The following EYS variants were observed in gnomAD, a reference collection of about 807,000 sequenced individuals.
EYS encodes EGF-like photoreceptor maintenance factor, also known as protein eyes shut homolog.
In EYS, 250 loss-of-function variants were observed where a neutral mutation model predicts 282.1. That is an observed-to-expected ratio of 0.89 (90% CI 0.80 to 0.98). The LOEUF (loss-of-function observed/expected upper bound fraction) is 0.98, where lower values mean the gene tolerates loss of function less well. Among genes scored for constraint, EYS ranks in the 50% least tolerant of loss-of-function variants. The pLI is 0.00. For missense variants in EYS, 4,016 were observed against 3,709.0 expected, an observed-to-expected ratio of 1.08 and a Z score of -2.15; for synonymous variants, 1,355 against 1,282.9, an observed-to-expected ratio of 1.06 and a Z score of -1.20.
At chr6:65,685,033 G>A (rs1413835805) in intron 1 of EYS, among the ~76,000 whole-genome samples, 1 of 151,880 alleles carries the variant, frequency 6.6e-6, no homozygotes, top group Non-Finnish European at 1.5e-5. Context: ...GAGATGATGC[G>A]GATAATGGGC....
intron 12 of EYS, among the ~76,000 whole-genome samples, chr6:65,207,356 C>G (rs561843251): frequency 1.5e-5 from 2 of 136,964 alleles, no homozygotes; most frequent in African/African-American, 5.6e-5. Flanking sequence ...CTAAAAGACA[C>G]TGATGAAAAA....
rs376533704 is a variant in EYS, at chr6:65,370,547, C to T, written c.1299+13839G>A. Reference sequence around the variant, plus strand: ...TTGGATTACAGGCCTGGCTGTAACGCTTCTTTCTTTGACCGACTTTTATAT... The same window carrying T: ...TTGGATTACAGGCCTGGCTGTAACGTTTCTTTCTTTGACCGACTTTTATAT... On this transcript the variant is annotated intron_variant, in intron 8 of 42. Coordinates refer to ENST00000503581, the MANE Select transcript of EYS (RefSeq NM_001142800.2). 3.3e-5 allele frequency among the ~76,000 whole-genome samples: 5 copies of T among 151,840 alleles called. No individual in the cohort carries two copies. The East Asian group carries it at 5.8e-4, about 18-fold the overall frequency.
At chr6:64,885,255 G>A (rs989921476) in intron 19 of EYS, among the ~76,000 whole-genome samples, 1 of 151,536 alleles carries the variant, frequency 6.6e-6, no homozygotes, top group Non-Finnish European at 1.5e-5. Flanking sequence ...CTTAAATCAT[G>A]TGCCACTGGT....
intron 29 of EYS, among the ~76,000 whole-genome samples, chr6:64,350,472 C>G (rs1218954211): frequency 6.6e-6 from 1 of 151,454 alleles, no homozygotes; most frequent in African/African-American, 2.4e-5. Flanking sequence ...ATAGCATTTT[C>G]CCAGACTTTG....
intron 8 of EYS, among the ~76,000 whole-genome samples, chr6:65,364,330 C>T (rs1764831310): frequency 6.7e-6 from 1 of 150,124 alleles, no homozygotes; most frequent in South Asian, 2.1e-4. Flanking sequence ...AATAATCAAC[C>T]TCAGAATTGT....
At chr6:64,914,843 G>A (rs1413957701) in intron 15 of EYS, among the ~76,000 whole-genome samples, 1 of 151,906 alleles carries the variant, frequency 6.6e-6, no homozygotes, top group Non-Finnish European at 1.5e-5. Flanking sequence ...GAAAGTAATT[G>A]CTATCATGAT....
At chr6:64,550,005 C>T (rs549792361) in intron 26 of EYS, among the ~76,000 whole-genome samples, 5 of 152,018 alleles carry the variant, frequency 3.3e-5, no homozygotes, top group South Asian at 4.2e-4. Flanking sequence ...TTTGTCCTTG[C>T]GATAGTTTGC....
intron 26 of EYS, among the ~76,000 whole-genome samples, chr6:64,497,525 A>T (rs765728233): frequency 7.2e-5 from 11 of 152,082 alleles, no homozygotes; most frequent in Non-Finnish European, 1.3e-4. Context: ...GATTAGCAAA[A>T]GGGCAGGGGA....
intron 35 of EYS, among the ~76,000 whole-genome samples, chr6:63,971,282 A>C (rs745754310): frequency 5.9e-5 from 9 of 152,152 alleles, no homozygotes; most frequent in Non-Finnish European, 1.2e-4. Context: ...CTGGGTTTTT[A>C]TTTCATCTGA....
intron 12 of EYS, among the ~76,000 whole-genome samples, chr6:65,160,178 A>G (rs1233384647): frequency 6.6e-6 from 1 of 150,754 alleles, no homozygotes; most frequent in African/African-American, 2.4e-5. Context: ...GGTCTACTGG[A>G]TGTAAAATTT....
At chr6:65,110,524 G>C (rs1031882942) in intron 12 of EYS, among the ~76,000 whole-genome samples, 1 of 151,950 alleles carries the variant, frequency 6.6e-6, no homozygotes, top group Non-Finnish European at 1.5e-5. Context: ...ATGACAAGAT[G>C]TTTTCCAAAT....
intron 36 of EYS, among the ~76,000 whole-genome samples, chr6:63,817,543 C>G (rs1013997298): frequency 3.6e-4 from 55 of 152,058 alleles, no homozygotes; most frequent in Non-Finnish European, 1.5e-5. Flanking sequence ...TCTCTTCCCC[C>G]CAGTCTCCTG....
At chr6:65,630,383 G>A (rs2149807647) in intron 2 of EYS, among the ~76,000 whole-genome samples, 1 of 152,304 alleles carries the variant, frequency 6.6e-6, no homozygotes, top group Admixed American at 6.5e-5. Flanking sequence ...AGAAACAGGA[G>A]AAGTAAACAG....
chr6:63,926,436 CT>C (rs1764717899), intron 35 of EYS, among the ~76,000 whole-genome samples: 1 of 152,188 alleles, frequency 6.6e-6, no homozygotes, highest in Non-Finnish European at 1.5e-5. Context: ...CCACTTGGGA[CT>C]TTTACAGTGC....
intron 28 of EYS, among the ~76,000 whole-genome samples, chr6:64,427,654 A>G (rs1262639426): frequency 1.3e-5 from 2 of 152,164 alleles, no homozygotes; most frequent in Non-Finnish European, 2.9e-5. Context: ...CTGATAATAT[A>G]CAACTGAAGG....
chr6:64,258,093 G>A (rs1323327316), intron 30 of EYS, among the ~76,000 whole-genome samples: 2 of 151,980 alleles, frequency 1.3e-5, no homozygotes, highest in African/African-American at 2.4e-5. Context: ...GAAGCTATGC[G>A]TATTCATTCC....
At chr6:65,120,390 A>G (rs1040146365) in intron 12 of EYS, among the ~76,000 whole-genome samples, 3 of 148,032 alleles carry the variant, frequency 2.0e-5, no homozygotes, top group South Asian at 4.3e-4. Flanking sequence ...CACATCACAT[A>G]TGTCAGAGAC....
At position 65,515,150 on chromosome 6, in the gene EYS, CA is replaced by C. The variant is rs1476949649; in HGVS notation, c.-332-19158del. Among the ~76,000 whole-genome samples, 12 of 152,230 alleles carry C rather than the reference CA, an allele frequency of 7.9e-5. 1 individual carries two copies. Among genetic ancestry groups the C allele is most frequent in the African/African-American group, 2.9e-4 (12 of 41,538 alleles). On this transcript the variant is annotated intron_variant, in intron 2 of 42. Transcript: ENST00000503581. ...GCAAAGGACATGAACAGACACTTCT[CA>C]AAAGAAGACATTTATCCAGCCAAAA... is the stretch of plus-strand genomic sequence containing the variant.
In EYS at chr6:64,822,678, C is replaced by T. The variant is rs1250456114; in HGVS notation, c.3137G>A (p.Cys1046Tyr). 1 of 1,542,242 alleles carries T rather than the reference C, an allele frequency of 6.5e-7. No homozygotes were observed. The highest frequency in any genetic ancestry group is 8.7e-7 in the Non-Finnish European group (1 of 1,143,676). ...TCCATGTAGACAAGGATTTGAAAGG[C>T]AATCATTGGCGTTTGTTTCACAGTG... Reference protein sequence around the residue: ...GTHCETNANDCLSNPCLHGRC... With the variant: ...GTHCETNANDYLSNPCLHGRC... The change falls in exon 20 of 43, where the codon TGC becomes TAC. Residue 1046 changes from cysteine (C) to tyrosine (Y), a missense_variant. Cys to Tyr is a radical substitution (Grantham distance 194, BLOSUM62 -2). Coordinates refer to ENST00000503581, the MANE Select transcript of EYS (RefSeq NM_001142800.2).
Sources: gnomAD v4.1 joint callset for allele counts (sites outside exome capture counted in the v4.1 genomes callset) on GRCh38, gnomAD v4.1.1 for gene constraint, MANE v1.5 for transcripts, NCBI Gene and HGNC (gene_info 2026-07-23, HGNC 2026-07-21) for gene names.